PUS7: variants seen among roughly 807,000 people sequenced by gnomAD.
PUS7 encodes the protein pseudouridylate synthase 7 homolog.
PUS7 carries 48 observed loss-of-function variants against 79.8 expected under a neutral mutation model. The observed-to-expected ratio is 0.60, with a 90% CI of 0.48 to 0.76. PUS7 has a LOEUF of 0.76. PUS7 is among the 30% of genes least tolerant of loss of function. The pLI is 0.00. For missense variants in PUS7, 729 were observed against 797.6 expected, an observed-to-expected ratio of 0.91 and a Z score of 1.04; for synonymous variants, 286 against 272.2, an observed-to-expected ratio of 1.05 and a Z score of -0.50.
rs369821096 is a variant in PUS7 at position 105,457,758 on chromosome 7, G to A, written c.*32C>T. 6.2e-6 allele frequency: 10 copies of A among 1,606,496 alleles called. No homozygotes were observed. The South Asian group carries it at 7.8e-5, about 12-fold the overall frequency. ...AGGGAGCCAGGAAGCAAACACTTGTGTACGTTTTCTAATCTGTGGACAAGG... is the reference window on the plus strand; with the variant it reads ...AGGGAGCCAGGAAGCAAACACTTGTATACGTTTTCTAATCTGTGGACAAGG... On this transcript the variant is annotated 3_prime_UTR_variant, in exon 16 of 16. Transcript: ENST00000469408.
intron 1 of PUS7, among the ~76,000 whole-genome samples, chr7:105,518,836 T>C (rs1357016495): frequency 6.6e-6 from 1 of 152,130 alleles, no homozygotes. Flanking sequence ...TGGCGCAATC[T>C]CGGCTCACTG....
chr7:105,467,836 G>A (rs142506257), intron 12 of PUS7, among the ~76,000 whole-genome samples: 2 of 151,972 alleles, frequency 1.3e-5, no homozygotes, highest in African/African-American at 2.4e-5. Context: ...CGAGATCGAG[G>A]TGCTTACTCA....
intron 5 of PUS7, among the ~76,000 whole-genome samples, chr7:105,501,799 C>T (rs1825259544): frequency 6.6e-6 from 1 of 151,806 alleles, no homozygotes; most frequent in Non-Finnish European, 1.5e-5. Flanking sequence ...ACTAAAAATA[C>T]AAACAATTAG....
At chr7:105,491,407 T>A (rs945764231) in intron 7 of PUS7, 133 bp downstream of exon 7, 6 of 459,296 alleles carry the variant, frequency 1.3e-5, no homozygotes, top group Non-Finnish European at 2.3e-5. Context: ...AAAAACAGAA[T>A]GAAAAGTAAT....
intron 2 of PUS7, among the ~76,000 whole-genome samples, chr7:105,506,631 C>T (rs541379730): frequency 6.6e-6 from 1 of 152,144 alleles, no homozygotes; most frequent in African/African-American, 2.4e-5. Context: ...CCATTTTGGC[C>T]AGGCTGATCT....
rs202104940 is a variant in PUS7, at chr7:105,508,362, A to G, written c.151T>C (p.Phe51Leu). The change falls in exon 2 of 16, where the codon TTT becomes CTT. Residue 51 changes from phenylalanine to leucine, a missense_variant. Phe to Leu is a conservative substitution (Grantham distance 22). Coordinates refer to ENST00000469408, the MANE Select transcript of PUS7 (RefSeq NM_019042.5). ...TKGQDGLQNDFLSISEDVPRP... is the reference protein window; with the variant it reads ...TKGQDGLQNDLLSISEDVPRP... ...GGCACGTCTTCACTGATGGACAGAA[A>G]GTCATTCTGTAGCCCATCTTGACCT... The G allele has an allele frequency of 9.3e-6, 15 of 1,614,086 alleles. No individual in the cohort carries two copies. In the Admixed American group the frequency reaches 2.3e-4, roughly 25 times the overall value.
intron 7 of PUS7, among the ~76,000 whole-genome samples, chr7:105,490,319 C>A (rs181138803): frequency 6.6e-6 from 1 of 151,994 alleles, no homozygotes; most frequent in Non-Finnish European, 1.5e-5. Context: ...AGTTTCCTTG[C>A]CCCTATGTTA....
intron 12 of PUS7, among the ~76,000 whole-genome samples, 193 bp downstream of exon 12, chr7:105,468,144 G>A (rs1351143288): frequency 6.6e-6 from 1 of 152,108 alleles, no homozygotes; most frequent in Admixed American, 6.5e-5. Flanking sequence ...TATTGGCCAG[G>A]CTGGTCTTGA....
chr7:105,488,439 C>T (rs1381523701), intron 7 of PUS7, among the ~76,000 whole-genome samples: 3 of 151,884 alleles, frequency 2.0e-5, no homozygotes, highest in Non-Finnish European at 4.4e-5. Flanking sequence ...GTGTTTTGAC[C>T]AGCAGATGGA....
chr7:105,479,523 GT>G (rs1562796957), intron 9 of PUS7, among the ~76,000 whole-genome samples: 2 of 152,182 alleles, frequency 1.3e-5, no homozygotes, highest in Admixed American at 6.5e-5. Context: ...CGAATAATTA[GT>G]TTATGTAACA....
At chr7:105,501,721 C>T (rs1037218255) in intron 5 of PUS7, among the ~76,000 whole-genome samples, 2 of 151,736 alleles carry the variant, frequency 1.3e-5, no homozygotes, top group Non-Finnish European at 2.9e-5. Flanking sequence ...TTTGGGAGGC[C>T]GAGACGGGTG....
intron 9 of PUS7, among the ~76,000 whole-genome samples, chr7:105,479,350 A>T (rs1824226409): frequency 6.6e-6 from 1 of 152,128 alleles, no homozygotes; most frequent in Non-Finnish European, 1.5e-5. Flanking sequence ...AATGGACTGG[A>T]AGCCCGGAAA....
intron 1 of PUS7, among the ~76,000 whole-genome samples, chr7:105,516,409 C>T (rs1274840649): frequency 2.0e-5 from 3 of 151,814 alleles, no homozygotes; most frequent in East Asian, 1.9e-4. Context: ...GTGTCATTTT[C>T]GCAAGCAGGA....
chr7:105,460,306 A>G (rs979135686), intron 14 of PUS7, among the ~76,000 whole-genome samples: 32 of 152,202 alleles, frequency 2.1e-4, no homozygotes, highest in South Asian at 1.2e-3. Flanking sequence ...CAAATTACTT[A>G]CGGCATTTAC....
At chr7:105,520,866 T>C (rs1826082175) in intron 1 of PUS7, among the ~76,000 whole-genome samples, 1 of 151,634 alleles carries the variant, frequency 6.6e-6, no homozygotes, top group Non-Finnish European at 1.5e-5. Flanking sequence ...AGCGAGACCC[T>C]GTGTGGTGGC....
rs1321378735 is a variant in PUS7 at position 105,502,413 on chromosome 7, C to T, written c.730+7G>A. On this transcript the variant is annotated splice_region_variant and intron_variant, in intron 5 of 15. Coordinates refer to ENST00000469408, the MANE Select transcript of PUS7 (RefSeq NM_019042.5). ...CTGGCAGGAGGAAGCTGCTCACAGA[C>T]ACCTACTTGCCAAAGCCTTTTTCCC... is the stretch of plus-strand genomic sequence containing the variant. The T allele has an allele frequency of 6.2e-7, 1 of 1,614,020 alleles. No individual in the cohort carries two copies. The highest frequency in any genetic ancestry group is 8.5e-7 in the Non-Finnish European group (1 of 1,179,942).
chr7:105,483,716 G>A (rs143583069), intron 7 of PUS7, among the ~76,000 whole-genome samples: 303 of 152,202 alleles, frequency 2.0e-3, no homozygotes, highest in African/African-American at 6.9e-3. Flanking sequence ...GGCTGGTCTC[G>A]ATCTCCTGGC....
At chr7:105,487,791 G>A (rs767367984) in intron 7 of PUS7, among the ~76,000 whole-genome samples, 1 of 152,170 alleles carries the variant, frequency 6.6e-6, no homozygotes, top group Non-Finnish European at 1.5e-5. Flanking sequence ...GGCAGGAACA[G>A]GCAGGAAAAG....
At chr7:105,521,820 G>GGAGCGGA (rs1554355470) in intron 1 of PUS7, among the ~76,000 whole-genome samples, 8 of 151,320 alleles carry the variant, frequency 5.3e-5, no homozygotes, top group Non-Finnish European at 1.0e-4. Flanking sequence ...CGGGGAGCGG[G>GGAGCGGA]GAGCGGAGAG....
Sources: gnomAD v4.1 joint callset for allele counts (sites outside exome capture counted in the v4.1 genomes callset) on GRCh38, gnomAD v4.1.1 for gene constraint, MANE v1.5 for transcripts, NCBI Gene and HGNC (gene_info 2026-07-23, HGNC 2026-07-21) for gene names.